Variants in SGMS1 observed in about 807,000 individuals in gnomAD.
SGMS1 encodes the protein phosphatidylcholine:ceramide cholinephosphotransferase 1.
In SGMS1, 13 loss-of-function variants were observed where a neutral mutation model predicts 46.2. The ratio of observed to expected loss-of-function variants is 0.28; its 90% CI spans 0.18 to 0.45. The LOEUF (loss-of-function observed/expected upper bound fraction) is 0.45, where lower values mean the gene tolerates loss of function less well. SGMS1 is among the 20% of genes least tolerant of loss of function. The probability of loss-of-function intolerance (pLI) is 1.00; values close to 1 mark genes in which losing one functional copy is unlikely to be tolerated. For missense variants in SGMS1, 324 were observed against 519.9 expected, an observed-to-expected ratio of 0.62 and a Z score of 3.66; for synonymous variants, 203 against 187.8, an observed-to-expected ratio of 1.08 and a Z score of -0.66.
intron 7 of SGMS1, chr10:50,328,078 G>A (rs1847557588): frequency 2.6e-6 from 1 of 387,436 alleles, no homozygotes; most frequent in African/African-American, 2.2e-5. Context: ...ATTATTATTA[G>A]GTTCTAACAA....
At chr10:50,401,230 T>C (rs916818406) in intron 6 of SGMS1, among the ~76,000 whole-genome samples, 6 of 152,240 alleles carry the variant, frequency 3.9e-5, no homozygotes, top group Admixed American at 2.0e-4. Context: ...GTAATTATTT[T>C]ATTAACCTTT....
At chr10:50,383,093 C>T (rs1218460612) in intron 6 of SGMS1, among the ~76,000 whole-genome samples, 1 of 152,046 alleles carries the variant, frequency 6.6e-6, no homozygotes, top group African/African-American at 2.4e-5. Context: ...ATTGAAAAGA[C>T]TTTATAAGAT....
intron 2 of SGMS1, among the ~76,000 whole-genome samples, chr10:50,573,935 C>T (rs1257786688): frequency 6.6e-6 from 1 of 152,090 alleles, no homozygotes; most frequent in East Asian, 1.9e-4. Context: ...AGGATAGTCT[C>T]TTCAATAAAG....
chr10:50,534,726 A>G (rs565094128), intron 2 of SGMS1, among the ~76,000 whole-genome samples: 45 of 152,380 alleles, frequency 3.0e-4, no homozygotes, highest in Non-Finnish European at 8.8e-5. Context: ...TCAGATATTA[A>G]ATGAGGACAG....
At chr10:50,621,874 A>C (rs1194096290) in intron 1 of SGMS1, among the ~76,000 whole-genome samples, 1 of 152,226 alleles carries the variant, frequency 6.6e-6, no homozygotes, top group Non-Finnish European at 1.5e-5. Flanking sequence ...GGCAGCAGCC[A>C]CCCCACTGCT....
chr10:50,551,994 C>T (rs1838153036), intron 2 of SGMS1, among the ~76,000 whole-genome samples: 2 of 152,190 alleles, frequency 1.3e-5, no homozygotes, highest in East Asian at 1.9e-4. Context: ...CTATCCCCTA[C>T]TCTGCTATTA....
chr10:50,612,476 A>G (rs974048791), intron 1 of SGMS1, among the ~76,000 whole-genome samples: 7 of 152,216 alleles, frequency 4.6e-5, no homozygotes, highest in African/African-American at 1.7e-4. Context: ...CAGCTGGCGA[A>G]AAGGAGGAGT....
chr10:50,473,248 C>T (rs1267678577), intron 3 of SGMS1, among the ~76,000 whole-genome samples: 4 of 152,174 alleles, frequency 2.6e-5, no homozygotes, highest in African/African-American at 9.7e-5. Context: ...CAGAAAGTCC[C>T]ACAAGCATGG....
At chr10:50,607,060 T>C (rs938231196) in intron 1 of SGMS1, among the ~76,000 whole-genome samples, 1 of 151,302 alleles carries the variant, frequency 6.6e-6, no homozygotes, top group African/African-American at 2.4e-5. Context: ...CTCGCTGCAG[T>C]CTCAACTTCT....
At position 50,358,638 on chromosome 10, in the gene SGMS1, G is replaced by A. The variant is rs536614568; in HGVS notation, c.-231-14293C>T. On this transcript the variant is annotated intron_variant, in intron 6 of 10. Transcript: ENST00000361781. The stretch of plus-strand genomic sequence containing the variant: ...TGGGAGGCAGAGGCTGCAGTAAGCC[G>A]AGATCCTGTCACTGCACTCCAGCCT... 5.9e-5 allele frequency among the ~76,000 whole-genome samples: 9 copies of A among 152,290 alleles called. No homozygotes were observed. The South Asian group carries it at 1.2e-3, about 21-fold the overall frequency.
At chr10:50,487,100 T>C (rs552300668) in intron 3 of SGMS1, among the ~76,000 whole-genome samples, 2 of 152,256 alleles carry the variant, frequency 1.3e-5, no homozygotes, top group African/African-American at 4.8e-5. Flanking sequence ...AATTGGGAGC[T>C]AAATGATGAG....
chr10:50,396,104 G>T (rs1004140499), intron 6 of SGMS1, among the ~76,000 whole-genome samples: 1 of 152,066 alleles, frequency 6.6e-6, no homozygotes, highest in East Asian at 1.9e-4. Flanking sequence ...GATGAAAAAC[G>T]TTAACAAAAC....
rs77004682 is a variant in SGMS1, at chr10:50,351,479, G to C, written c.-231-7134C>G. Among the ~76,000 whole-genome samples the C allele has an allele frequency of 9.5e-4, 144 of 152,338 alleles. 2 individuals are homozygous for C. In the East Asian group the frequency reaches 0.026, roughly 28 times the overall value. Reference sequence around the variant, plus strand: ...AGGGGCAGAATGATATGGTTTGGCTGTGTGCCCACGCAAATCTCATTTTGA... The same window carrying C: ...AGGGGCAGAATGATATGGTTTGGCTCTGTGCCCACGCAAATCTCATTTTGA... On this transcript the variant is annotated intron_variant, in intron 6 of 10. Coordinates refer to ENST00000361781, the MANE Select transcript of SGMS1 (RefSeq NM_147156.4).
chr10:50,398,690 C>G (rs1848884250), intron 6 of SGMS1, among the ~76,000 whole-genome samples: 1 of 152,016 alleles, frequency 6.6e-6, no homozygotes. Flanking sequence ...CAAGCCACCA[C>G]ATGAAGAAAT....
intron 1 of SGMS1, among the ~76,000 whole-genome samples, chr10:50,619,738 T>A (rs952719640): frequency 2.6e-5 from 4 of 152,234 alleles, no homozygotes; most frequent in Admixed American, 6.5e-5. Flanking sequence ...AAAGCCCTTG[T>A]GGCTTTACAT....
rs145198474 is a variant in SGMS1 at position 50,616,168 on chromosome 10, T to G, written c.-684+7539A>C. ...TCTTGCTCTGTCATTCAGGCTGGAG[T>G]ACAGTGGCATGGTCACAGCTCATCA... On this transcript the variant is annotated intron_variant, in intron 1 of 10. Coordinates refer to ENST00000361781, the MANE Select transcript of SGMS1 (RefSeq NM_147156.4). 2.6e-4 allele frequency among the ~76,000 whole-genome samples: 39 copies of G among 152,246 alleles called. 1 individual carries two copies. The East Asian group carries it at 7.3e-3, about 29-fold the overall frequency.
In SGMS1 at chr10:50,623,720, A is replaced by T. The variant is rs950088262; in HGVS notation, c.-697T>A. 17 of 985,262 alleles carry T rather than the reference A, an allele frequency of 1.7e-5. No homozygotes were observed. Among genetic ancestry groups the T allele is most frequent in the Non-Finnish European group, 2.0e-5 (17 of 829,932 alleles). The allele number at this position is 985,262 out of a possible 1,614,324, so 61.0% of individuals were successfully genotyped here. On this transcript the variant is annotated 5_prime_UTR_variant, in exon 1 of 11. Transcript: ENST00000361781. Reference sequence around the variant, plus strand: ...CCCACGACTCACTTGCACTGGAGTCACGGCAGCCGCCGGAATTCCGCTCGC... The same window carrying T: ...CCCACGACTCACTTGCACTGGAGTCTCGGCAGCCGCCGGAATTCCGCTCGC...
intron 7 of SGMS1, among the ~76,000 whole-genome samples, chr10:50,331,961 C>T (rs890963980): frequency 3.9e-5 from 6 of 152,134 alleles, no homozygotes; most frequent in Admixed American, 6.5e-5. Context: ...ACCCAGTCTA[C>T]GATATTTTGT....
In SGMS1 at chr10:50,465,749, T is replaced by C. The variant is rs77209454; in HGVS notation, c.-455+1141A>G. On this transcript the variant is annotated intron_variant, in intron 4 of 10. Coordinates refer to ENST00000361781, the MANE Select transcript of SGMS1 (RefSeq NM_147156.4). ...AAGAAAATTTACAAATTGAGAGACA[T>C]CAGTTTCCAAGCTGAGAGGACAAAA... 9.4e-3 allele frequency among the ~76,000 whole-genome samples: 1,425 copies of C among 152,046 alleles called. 27 individuals carry two copies. Among genetic ancestry groups the C allele is most frequent in the African/African-American group, 0.033 (1,360 of 41,454 alleles).
Sources: allele counts gnomAD v4.1 joint callset (sites outside exome capture counted in the v4.1 genomes callset), GRCh38; gene constraint gnomAD v4.1.1; transcripts MANE v1.5; gene names NCBI Gene and HGNC (gene_info 2026-07-23, HGNC 2026-07-21).